The following DISC1 variants were observed in gnomAD, a reference collection of about 807,000 sequenced individuals.
DISC1 encodes DISC1 scaffold protein, also known as disrupted in schizophrenia 1 protein.
DISC1 carries 57 observed loss-of-function variants against 84.5 expected under a neutral mutation model. That is an observed-to-expected ratio of 0.67 (90% confidence interval 0.55 to 0.84). The LOEUF (loss-of-function observed/expected upper bound fraction) is 0.84. Ranked by LOEUF, DISC1 falls within the 40% of genes least tolerant of loss-of-function variation. DISC1 has a pLI of 0.00. For missense variants in DISC1, 1,000 were observed against 1,057.8 expected (o/e 0.95, Z 0.76); for synonymous variants, 411 against 415.2 (o/e 0.99, Z 0.12).
intron 12 of DISC1, among the ~76,000 whole-genome samples, chr1:232,036,250 C>T (rs1214349392): frequency 2.0e-5 from 3 of 152,180 alleles, no homozygotes; most frequent in Non-Finnish European, 4.4e-5. Flanking sequence ...CCTCTCCCTA[C>T]TTATGGCAAC....
chr1:231,881,541 C>T (rs890295000), intron 9 of DISC1, among the ~76,000 whole-genome samples: 8 of 152,148 alleles, frequency 5.3e-5, no homozygotes, highest in African/African-American at 1.9e-4. Flanking sequence ...TCTGTAAAGA[C>T]CCTATCCCCA....
intron 1 of DISC1, among the ~76,000 whole-genome samples, chr1:231,633,851 G>T (rs193201949): frequency 6.6e-6 from 1 of 151,408 alleles, no homozygotes; most frequent in African/African-American, 2.4e-5. Context: ...TGACATGTAC[G>T]CCTACCTAAC....
intron 1 of DISC1, among the ~76,000 whole-genome samples, chr1:231,646,273 G>T (rs1248357977): frequency 6.6e-6 from 1 of 151,528 alleles, no homozygotes; most frequent in Non-Finnish European, 1.5e-5. Context: ...TTGTCCTTGC[G>T]ATAGTTTGCT....
chr1:231,760,336 G>A (rs971388645), intron 4 of DISC1, among the ~76,000 whole-genome samples: 2 of 152,096 alleles, frequency 1.3e-5, no homozygotes, highest in Non-Finnish European at 2.9e-5. Context: ...TTCTATGACT[G>A]GCCCAAACCC....
intron 9 of DISC1, among the ~76,000 whole-genome samples, chr1:231,876,110 A>G (rs905002501): frequency 1.3e-5 from 2 of 152,146 alleles, no homozygotes; most frequent in Admixed American, 1.3e-4. Context: ...TCTCATGTTG[A>G]AATGTAATCT....
chr1:231,633,444 A>T (rs893262111), intron 1 of DISC1, among the ~76,000 whole-genome samples: 6 of 152,154 alleles, frequency 3.9e-5, no homozygotes, highest in Admixed American at 3.9e-4. Context: ...TTCCAGTGCT[A>T]AGATGCTGTG....
At chr1:232,027,000 C>T (rs1168989901) in intron 12 of DISC1, among the ~76,000 whole-genome samples, 1 of 152,126 alleles carries the variant, frequency 6.6e-6, no homozygotes, top group African/African-American at 2.4e-5. Flanking sequence ...ATCCGCCCGC[C>T]TTGGCCTCCC....
At chr1:231,955,059 G>C (rs1659187342) in intron 9 of DISC1, among the ~76,000 whole-genome samples, 1 of 152,198 alleles carries the variant, frequency 6.6e-6, no homozygotes, top group Admixed American at 6.5e-5. Flanking sequence ...TTAACAAAGT[G>C]ATTAACTTGA....
chr1:231,632,671 T>A (rs537185552), intron 1 of DISC1, among the ~76,000 whole-genome samples: 1 of 152,376 alleles, frequency 6.6e-6, no homozygotes, highest in African/African-American at 2.4e-5. Context: ...ACTGTTTTCA[T>A]TAAGTTGTGT....
At chr1:231,985,543 GA>G (rs1664300851) in intron 10 of DISC1, among the ~76,000 whole-genome samples, 1 of 152,170 alleles carries the variant, frequency 6.6e-6, no homozygotes, top group Admixed American at 6.5e-5. Flanking sequence ...TTAGATGTCA[GA>G]AAGTGTGTCA....
chr1:231,791,725 G>A (rs887220229), intron 6 of DISC1, among the ~76,000 whole-genome samples: 2 of 152,174 alleles, frequency 1.3e-5, no homozygotes, highest in African/African-American at 4.8e-5. Flanking sequence ...TAATATGCAA[G>A]TTTTTTAAAA....
chr1:232,041,121 C>T lies in DISC1; in HGVS notation c.*4290C>T. 6.6e-6 allele frequency: 1 copy of T among 152,114 alleles called. No homozygotes were observed. Among genetic ancestry groups the T allele is most frequent in the Non-Finnish European group, 1.5e-5 (1 of 68,026 alleles). 9.4% of individuals were successfully genotyped at this position (152,114 alleles called of 1,614,324 possible). A position where few individuals can be genotyped will look rare whatever the true frequency, so the allele number is the denominator to read the frequency against. ...GTTATACAAAATAAAAGCTGATATC[C>T]AAGGCATGGTGCATCTTGATGATTT... On this transcript the variant is annotated 3_prime_UTR_variant, in exon 13 of 13. Coordinates refer to ENST00000439617, the MANE Select transcript of DISC1 (RefSeq NM_018662.3).
intron 9 of DISC1, among the ~76,000 whole-genome samples, chr1:231,924,221 C>T (rs2090193519): frequency 6.6e-6 from 1 of 152,178 alleles, no homozygotes; most frequent in South Asian, 2.1e-4. Flanking sequence ...CAGGGTAAAG[C>T]CTGCCTCCTT....
chr1:231,879,698 G>T (rs955102576), intron 9 of DISC1, among the ~76,000 whole-genome samples: 1 of 151,998 alleles, frequency 6.6e-6, no homozygotes, highest in African/African-American at 2.4e-5. Flanking sequence ...GCAGGAGAGG[G>T]GAGAGGTGAC....
chr1:231,739,547 C>T (rs944143941), intron 3 of DISC1, among the ~76,000 whole-genome samples: 2 of 152,164 alleles, frequency 1.3e-5, no homozygotes, highest in Admixed American at 1.3e-4. Flanking sequence ...TCCCAACTTA[C>T]CAATGGGGCC....
chr1:231,751,034 G>A (rs548512397), intron 4 of DISC1, among the ~76,000 whole-genome samples: 2 of 152,226 alleles, frequency 1.3e-5, no homozygotes, highest in Admixed American at 6.5e-5. Context: ...GTAGCATGTA[G>A]CAGAGTGAAT....
chr1:231,909,825 A>T (rs1466437063), intron 9 of DISC1, among the ~76,000 whole-genome samples: 1 of 152,140 alleles, frequency 6.6e-6, no homozygotes, highest in Non-Finnish European at 1.5e-5. Context: ...TTTGATTGGT[A>T]GGCTATTAAT....
chr1:231,900,441 A>C (rs889518999), intron 9 of DISC1, among the ~76,000 whole-genome samples: 2 of 152,250 alleles, frequency 1.3e-5, no homozygotes, highest in African/African-American at 4.8e-5. Context: ...GTGGTTCACT[A>C]GTAGAAAAAC....
At chr1:231,968,532 C>T (rs1661414594) in intron 10 of DISC1, among the ~76,000 whole-genome samples, 1 of 147,434 alleles carries the variant, frequency 6.8e-6, no homozygotes, top group African/African-American at 2.5e-5. Flanking sequence ...GCGGAGCTTG[C>T]AGTGAGCCGA....
Sources: allele counts gnomAD v4.1 joint callset (sites outside exome capture counted in the v4.1 genomes callset), GRCh38; gene constraint gnomAD v4.1.1; transcripts MANE v1.5; gene names NCBI Gene and HGNC (gene_info 2026-07-23, HGNC 2026-07-21).